TAF5: variants seen among roughly 807,000 people sequenced by gnomAD.
TAF5 encodes the protein TATA-box binding protein associated factor 5, also known as transcription initiation factor TFIID subunit 5.
Under a neutral mutation model 80.9 loss-of-function variants are expected in TAF5, and 20 were observed. The ratio of observed to expected loss-of-function variants is 0.25; its 90% CI spans 0.17 to 0.36. TAF5 has a LOEUF of 0.36. Among genes scored for constraint, TAF5 ranks in the 10% least tolerant of loss-of-function variants. TAF5 has a pLI of 1.00. For missense variants in TAF5, 863 were observed against 1,029.4 expected (o/e 0.84, Z 2.21); for synonymous variants, 388 against 406.4 (o/e 0.95, Z 0.55).
intron 2 of TAF5, among the ~76,000 whole-genome samples, chr10:103,377,000 C>T (rs1263348491): frequency 3.9e-5 from 6 of 152,042 alleles, no homozygotes; most frequent in South Asian, 2.1e-4. Flanking sequence ...GCTGAGATCG[C>T]GTAAACAAAA....
Position 103,378,876 on chromosome 10 carries a change from T to C in TAF5, c.1113+326T>C, listed in dbSNP as rs539674206. 6.6e-6 allele frequency among the ~76,000 whole-genome samples: 1 copy of C among 152,242 alleles called. No homozygotes were observed. Among genetic ancestry groups the C allele is most frequent in the East Asian group, 1.9e-4 (1 of 5,180 alleles). ...GGTTTCACCATGTTGGCCAGGCTGGTCTCGAACTCCTGACCTCAGATGATC... is the reference window on the plus strand; with the variant it reads ...GGTTTCACCATGTTGGCCAGGCTGGCCTCGAACTCCTGACCTCAGATGATC... On this transcript the variant is annotated intron_variant, in intron 3 of 10. Coordinates refer to ENST00000369839, the MANE Select transcript of TAF5 (RefSeq NM_006951.5). This position sits in a 1 kb window ranked among gnomAD's most constrained non-coding sequence, Gnocchi z 4.1.
chr10:103,376,096 AT>A (rs1036768560), intron 2 of TAF5, among the ~76,000 whole-genome samples: 89 of 145,286 alleles, frequency 6.1e-4, no homozygotes, highest in East Asian at 1.2e-3. Context: ...AGTGTGAATA[AT>A]TTTTTTTTTT....
intron 5 of TAF5, among the ~76,000 whole-genome samples, chr10:103,381,031 C>T (rs183784298): frequency 5.5e-4 from 84 of 151,908 alleles, no homozygotes; most frequent in Admixed American, 2.8e-3. Flanking sequence ...CTCACTGCAA[C>T]CTCCGCCTCC....
chr10:103,368,262 G>C lies in TAF5; in HGVS notation c.273G>C (p.Pro91=). ...VPAAAPDAGA[P]HDRQTLLAVL... is the part of the protein sequence containing the mutation. ...CCGCTGCTCCGGACGCCGGCGCTCC[G>C]CATGACCGACAGACTCTACTGGCCG... The change falls in exon 1 of 11, where the codon CCG becomes CCC. Residue 91 remains proline, a synonymous_variant. Transcript: ENST00000369839. 6.5e-7 allele frequency: 1 copy of C among 1,540,652 alleles called. No homozygotes were observed. The highest frequency in any genetic ancestry group is 1.2e-5 in the South Asian group (1 of 84,456).
At chr10:103,371,114 G>A (rs1159603105) in intron 1 of TAF5, among the ~76,000 whole-genome samples, 3 of 152,002 alleles carry the variant, frequency 2.0e-5, no homozygotes, top group African/African-American at 7.2e-5. Flanking sequence ...GTGGTGGCAT[G>A]TGCCTGTTGC....
At chr10:103,386,717 G>A (rs914761486) in intron 8 of TAF5, among the ~76,000 whole-genome samples, 2 of 148,486 alleles carry the variant, frequency 1.3e-5, no homozygotes, top group Non-Finnish European at 3.0e-5. Context: ...AGGCTGGAGT[G>A]CAGTGTCGCC....
chr10:103,383,094 C>T, intron 6 of TAF5, 144 bp from the exon 7 acceptor site: 1 of 588,278 alleles, frequency 1.7e-6, no homozygotes, highest in East Asian at 3.5e-5. Flanking sequence ...ATGATACTGC[C>T]TAATTTAGAG....
Position 103,373,420 on chromosome 10 carries a change from C to A in TAF5, c.622C>A (p.Gln208Lys). 2 of 1,614,104 alleles carry A rather than the reference C, an allele frequency of 1.2e-6. No individual in the cohort carries two copies. Among genetic ancestry groups the A allele is most frequent in the Non-Finnish European group, 1.7e-6 (2 of 1,180,034 alleles). The change falls in exon 2 of 11, where the codon CAA becomes AAA. Residue 208 changes from glutamine (Q) to lysine (K), a missense_variant. Physicochemically the swap from Gln to Lys is moderately conservative, Grantham distance 53. Coordinates refer to ENST00000369839, the MANE Select transcript of TAF5 (RefSeq NM_006951.5). ...TGCCGTGTTGTCAGCCTACAACCAACAAGGAGATCCCACAATGTATGAAGA... is the reference window on the plus strand; with the variant it reads ...TGCCGTGTTGTCAGCCTACAACCAAAAAGGAGATCCCACAATGTATGAAGA... ...VSAVLSAYNQQGDPTMYEEYY... is the reference protein window; with the variant it reads ...VSAVLSAYNQKGDPTMYEEYY...
At chr10:103,382,625 A>G (rs973223111) in intron 6 of TAF5, among the ~76,000 whole-genome samples, 2 of 151,566 alleles carry the variant, frequency 1.3e-5, no homozygotes, top group Non-Finnish European at 2.9e-5. Flanking sequence ...AATTATTTCA[A>G]TATTTCCATA....
In TAF5 at chr10:103,379,617, G is replaced by C; in HGVS notation, c.1123G>C (p.Gly375Arg). 1 of 1,575,352 alleles carries C rather than the reference G, an allele frequency of 6.3e-7. No individual in the cohort carries two copies. Among genetic ancestry groups the C allele is most frequent in the Non-Finnish European group, 8.5e-7 (1 of 1,169,782 alleles). ...REANKSKVFF[G>R]LLKEPEIEVP... ...CTCTTTTGACTTGTAGGTATTTTTTGGTTTATTAAAAGAACCAGAAATTGA... is the reference window on the plus strand; with the variant it reads ...CTCTTTTGACTTGTAGGTATTTTTTCGTTTATTAAAAGAACCAGAAATTGA... Residue 375 changes from glycine to arginine, a missense_variant, in exon 4 of 11, where the codon GGT (glycine) becomes CGT (arginine). By Grantham distance (125) the Gly-to-Arg change is moderately radical. Around this residue, in one of 3 missense-constraint regions of TAF5, gnomAD observed 128 missense variants for 232.2 expected, o/e 0.55. Coordinates refer to ENST00000369839, the MANE Select transcript of TAF5 (RefSeq NM_006951.5).
Position 103,378,546 on chromosome 10 carries a change from C to T in TAF5, c.1109C>T (p.Ser370Leu). 6.2e-7 allele frequency: 1 copy of T among 1,611,994 alleles called. No individual in the cohort carries two copies. The highest frequency in any genetic ancestry group is 1.7e-5 in the Admixed American group (1 of 59,846). ...AGEAKREANK[S>L]KVFFGLLKEP... The stretch of plus-strand genomic sequence containing the variant: ...GAGGCTAAACGAGAGGCAAACAAAT[C>T]AAAGGTATGGGAATGAACCTAAGAA... Residue 370 changes from serine (S) to leucine (L), a missense_variant, in exon 3 of 11, where the codon TCA becomes TTA. Coordinates refer to ENST00000369839, the MANE Select transcript of TAF5 (RefSeq NM_006951.5). This position sits in a 1 kb window ranked among gnomAD's most constrained non-coding sequence, Gnocchi z 4.1.
intron 8 of TAF5, among the ~76,000 whole-genome samples, chr10:103,386,562 C>T (rs1338039672): frequency 6.6e-6 from 1 of 151,882 alleles, no homozygotes; most frequent in Non-Finnish European, 1.5e-5. Context: ...TGGCTGGCTA[C>T]AGTGGTACAC....
At chr10:103,379,301 T>G (rs780857264) in intron 3 of TAF5, among the ~76,000 whole-genome samples, 1 of 152,222 alleles carries the variant, frequency 6.6e-6, no homozygotes, top group Non-Finnish European at 1.5e-5. Context: ...CTGCTGAAGC[T>G]TTCCCTTTTT....
intron 8 of TAF5, among the ~76,000 whole-genome samples, chr10:103,385,925 C>CAAAAAAAAAA (rs761128565): frequency 1.5e-4 from 6 of 41,202 alleles, no homozygotes; most frequent in Non-Finnish European, 2.4e-4. Context: ...GACTTCATCT[C>CAAAAAAAAAA]AAAAAAAAAA....
At chr10:103,379,267 A>AG (rs2093376663) in intron 3 of TAF5, among the ~76,000 whole-genome samples, 1 of 152,212 alleles carries the variant, frequency 6.6e-6, no homozygotes, top group South Asian at 2.1e-4. Context: ...AGAAGGAAGA[A>AG]GGGGGAGGAC....
chr10:103,382,677 T>C (rs1406150149), intron 6 of TAF5, among the ~76,000 whole-genome samples: 1 of 151,916 alleles, frequency 6.6e-6, no homozygotes, highest in African/African-American at 2.4e-5. Flanking sequence ...AGATGGGGTC[T>C]CACTCTGTTG....
chr10:103,388,504 TTTTAA>T lies in TAF5; in HGVS notation c.*286_*290del, dbSNP rs1208873873. On this transcript the variant is annotated 3_prime_UTR_variant, in exon 11 of 11. Transcript: ENST00000369839. ...CTATGCATTTTCTGTTCAAATGCTA[TTTTAA>T]TTTATTACATTTAGAAAAAAAGTTG... is the stretch of plus-strand genomic sequence containing the variant. 3.1e-5 allele frequency: 7 copies of T among 229,434 alleles called. No individual in the cohort carries two copies. Among genetic ancestry groups the T allele is most frequent in the Admixed American group, 5.3e-5 (1 of 19,024 alleles). The allele number at this position is 229,434 out of a possible 1,614,324, so 14.2% of individuals were successfully genotyped here.
chr10:103,379,690 A>G lies in TAF5; in HGVS notation c.1196A>G (p.Lys399Arg). 6.2e-7 allele frequency: 1 copy of G among 1,610,366 alleles called. No homozygotes were observed. The highest frequency in any genetic ancestry group is 8.5e-7 in the Non-Finnish European group (1 of 1,179,322). ...GAAGAGGGAGAAAATGAAGAAGGAA[A>G]ACCTAAAAAGAAGAAGCCTAAAAAA... ...EDEEGENEEG[K>R]PKKKKPKKDS... The change falls in exon 4 of 11, where the codon AAA (lysine) becomes AGA (arginine). Residue 399 changes from lysine to arginine, a missense_variant. Around this residue, in one of 3 missense-constraint regions of TAF5, gnomAD observed 128 missense variants for 232.2 expected, o/e 0.55. Transcript: ENST00000369839.
intron 1 of TAF5, among the ~76,000 whole-genome samples, chr10:103,371,629 A>G (rs1041696720): frequency 6.6e-6 from 1 of 152,236 alleles, no homozygotes; most frequent in Non-Finnish European, 1.5e-5. Context: ...TCTTAAGCAT[A>G]TAACTATCTT....
Sources: allele counts gnomAD v4.1 joint callset (sites outside exome capture counted in the v4.1 genomes callset), GRCh38; gene constraint gnomAD v4.1.1; regional missense constraint gnomAD v4.1.1; non-coding constraint Gnocchi (gnomAD v3.1); transcripts MANE v1.5; gene names NCBI Gene and HGNC (gene_info 2026-07-23, HGNC 2026-07-21).